The following MOXD1 variants were observed in gnomAD, a reference collection of about 807,000 sequenced individuals.
The protein encoded by MOXD1 is DBH-like monooxygenase protein 1.
Under a neutral mutation model 66.6 loss-of-function variants are expected in MOXD1, and 62 were observed. The observed-to-expected ratio is 0.93, with a 90% CI of 0.76 to 1.15. MOXD1 has a LOEUF of 1.15. Ranked by LOEUF, MOXD1 falls within the 50% of genes most tolerant of loss-of-function variation. The pLI is 0.00. For missense variants in MOXD1, 847 were observed against 754.6 expected (o/e 1.12, Z -1.44); for synonymous variants, 303 against 281.9 (o/e 1.07, Z -0.75).
chr6:132,310,761 C>G (rs1774809712), intron 10 of MOXD1, among the ~76,000 whole-genome samples: 1 of 152,108 alleles, frequency 6.6e-6, no homozygotes, highest in African/African-American at 2.4e-5. Flanking sequence ...AAACCAAACA[C>G]CACATACTGT....
intron 11 of MOXD1, 113 bp downstream of exon 11, chr6:132,297,674 A>G: frequency 3.1e-6 from 4 of 1,272,906 alleles, no homozygotes; most frequent in Non-Finnish European, 4.3e-6. Context: ...ATCAGACATT[A>G]GAAGGCAACT....
At position 132,349,466 on chromosome 6, in the gene MOXD1, CATATATATATATATACAT is replaced by C. The variant is rs1562290120; in HGVS notation, c.664-20890_664-20873del. On this transcript the variant is annotated intron_variant, in intron 4 of 11. Transcript: ENST00000367963. ...ATATATATATACATATATATATATA[CATATATATATATATACAT>C]ATATATATATACCACAGTTTCTTTA... Among the ~76,000 whole-genome samples, 66 of 12,090 alleles carry C rather than the reference CATATATATATATATACAT, an allele frequency of 5.5e-3. 11 individuals carry two copies. Among genetic ancestry groups the C allele is most frequent in the Middle Eastern group, 0.12 (1 of 8 alleles). 7.9% of individuals were successfully genotyped at this position (12,090 alleles called of 152,430 possible).
chr6:132,352,891 C>CTT (rs778921028), intron 4 of MOXD1, among the ~76,000 whole-genome samples: 6 of 152,110 alleles, frequency 3.9e-5, no homozygotes, highest in Non-Finnish European at 7.4e-5. Context: ...TAATATCCCT[C>CTT]TTTTTCTCTT....
At chr6:132,359,277 T>C (rs556732701) in intron 4 of MOXD1, among the ~76,000 whole-genome samples, 1 of 151,946 alleles carries the variant, frequency 6.6e-6, no homozygotes, top group African/African-American at 2.4e-5. Context: ...TTTTTAAATT[T>C]TTCTTTAGAG....
chr6:132,332,757 C>T (rs1046786036), intron 4 of MOXD1, among the ~76,000 whole-genome samples: 1 of 152,206 alleles, frequency 6.6e-6, no homozygotes, highest in Admixed American at 6.5e-5. Flanking sequence ...ATGGAGGCTG[C>T]TCGTTATTTT....
intron 1 of MOXD1, among the ~76,000 whole-genome samples, chr6:132,388,702 G>A (rs1032479150): frequency 6.6e-6 from 1 of 151,324 alleles, no homozygotes; most frequent in Non-Finnish European, 1.5e-5. Flanking sequence ...GAATAAAAAG[G>A]GGGTCCATTT....
chr6:132,349,482 CATATAT>C (rs201371716), intron 4 of MOXD1, among the ~76,000 whole-genome samples: 308 of 16,878 alleles, frequency 0.018, 37 homozygotes, highest in Middle Eastern at 0.071. Context: ...TATATATATA[CATATAT>C]ATATATACCA....
chr6:132,391,271 A>T (rs1285101229), intron 1 of MOXD1: 1 of 152,106 alleles, frequency 6.6e-6, no homozygotes, highest in Non-Finnish European at 1.5e-5. Flanking sequence ...TGTTTGGCTA[A>T]ATTAGATGAA....
chr6:132,396,770 T>C (rs538754729), intron 1 of MOXD1, among the ~76,000 whole-genome samples: 2 of 152,236 alleles, frequency 1.3e-5, no homozygotes, highest in South Asian at 4.1e-4. Flanking sequence ...CTAGAAAACC[T>C]AGAGGAAATA....
intron 4 of MOXD1, among the ~76,000 whole-genome samples, chr6:132,359,325 T>G (rs1251156924): frequency 6.6e-6 from 1 of 151,992 alleles, no homozygotes; most frequent in Non-Finnish European, 1.5e-5. Context: ...GGTCTCGAAT[T>G]CTCCTCCCAA....
chr6:132,397,634 G>A (rs1776917146), intron 1 of MOXD1, among the ~76,000 whole-genome samples: 1 of 115,686 alleles, frequency 8.6e-6, no homozygotes, highest in African/African-American at 4.1e-5. Context: ...GAGAGAGAGA[G>A]ACAGAAAGAA....
At chr6:132,392,277 G>GT in intron 1 of MOXD1, 1 of 1,602,832 alleles carries the variant, frequency 6.2e-7, no homozygotes, top group East Asian at 2.2e-5. Context: ...ACAGGCCTCA[G>GT]TTTTTGAGAC....
At position 132,398,134 on chromosome 6, in the gene MOXD1, T is replaced by G. The variant is rs532205661; in HGVS notation, c.264+3029A>C. On this transcript the variant is annotated intron_variant, in intron 1 of 11. Coordinates refer to ENST00000367963, the MANE Select transcript of MOXD1 (RefSeq NM_015529.4). Reference sequence around the variant, plus strand: ...ACATTATTTATCTCCCACTTATAAGTGAGAACATGCAGTATTTATCTTTCT... The same window carrying G: ...ACATTATTTATCTCCCACTTATAAGGGAGAACATGCAGTATTTATCTTTCT... 3.5e-3 allele frequency among the ~76,000 whole-genome samples: 540 copies of G among 152,318 alleles called. 3 individuals are homozygous for G. The highest frequency in any genetic ancestry group is 6.0e-3 in the Non-Finnish European group (410 of 68,026).
chr6:132,393,893 G>A (rs1776819950), intron 1 of MOXD1, among the ~76,000 whole-genome samples: 1 of 152,154 alleles, frequency 6.6e-6, no homozygotes, highest in Admixed American at 6.5e-5. Flanking sequence ...CAGGACTGAG[G>A]ACCAGCTTGC....
intron 4 of MOXD1, among the ~76,000 whole-genome samples, chr6:132,340,909 G>T (rs891902792): frequency 1.8e-4 from 27 of 151,828 alleles, no homozygotes; most frequent in African/African-American, 6.3e-4. Context: ...GCCTCCCAAC[G>T]TGCTGGGATT....
At chr6:132,384,278 CT>C (rs780158315) in intron 1 of MOXD1, among the ~76,000 whole-genome samples, 23 of 90,468 alleles carry the variant, frequency 2.5e-4, no homozygotes, top group African/African-American at 8.8e-4. Flanking sequence ...TCCTTCCTTC[CT>C]TCCTTCCTTC....
At chr6:132,387,318 T>C (rs1776671228) in intron 1 of MOXD1, among the ~76,000 whole-genome samples, 1 of 151,456 alleles carries the variant, frequency 6.6e-6, no homozygotes, top group Non-Finnish European at 1.5e-5. Flanking sequence ...ACTGTGTACA[T>C]GCACAGATCA....
Position 132,297,181 on chromosome 6 carries a change from CT to C in MOXD1, c.1813del (p.Ser605AlafsTer4), listed in dbSNP as rs1774421566. 1 of 1,613,340 alleles carries C rather than the reference CT, an allele frequency of 6.2e-7. No homozygotes were observed. The highest frequency in any genetic ancestry group is 1.3e-5 in the African/African-American group (1 of 74,888). ...INLLVCLLLLSCTLSTKSL is the reference protein window; with the variant it reads ...INLLVCLLLLXCTLSTKSL ...CAAGCTCTTGGTGCTCAGCGTGCAG[CT>C]GAGTAGCAGAAGGCAAACAAGCAAG... On this transcript the variant is annotated frameshift_variant, in exon 12 of 12. Transcript: ENST00000367963. LOFTEE classifies it low-confidence loss of function (END_TRUNC).
chr6:132,338,235 G>A (rs958198753), intron 4 of MOXD1, among the ~76,000 whole-genome samples: 2 of 152,170 alleles, frequency 1.3e-5, no homozygotes, highest in African/African-American at 4.8e-5. Context: ...TGACCACCAC[G>A]TGATATACTC....
Sources: gnomAD v4.1 joint callset for allele counts (sites outside exome capture counted in the v4.1 genomes callset) on GRCh38, gnomAD v4.1.1 for gene constraint, MANE v1.5 for transcripts, NCBI Gene and HGNC (gene_info 2026-07-23, HGNC 2026-07-21) for gene names.